Variants in RPS6KA2 observed in about 807,000 individuals in gnomAD.
RPS6KA2 encodes ribosomal protein S6 kinase alpha-2.
A neutral mutation model predicts 91.8 loss-of-function variants in RPS6KA2; 42 were observed. The observed-to-expected ratio is 0.46, with a 90% CI of 0.36 to 0.59. The LOEUF is 0.59. Among genes scored for constraint, RPS6KA2 ranks in the 20% least tolerant of loss-of-function variants. RPS6KA2 has a pLI of 0.00. For missense variants in RPS6KA2, 798 were observed against 978.5 expected, an observed-to-expected ratio of 0.82 and a Z score of 2.46; for synonymous variants, 414 against 393.6, an observed-to-expected ratio of 1.05 and a Z score of -0.61.
At chr6:166,512,379 G>A (rs1782502485) in intron 3 of RPS6KA2, among the ~76,000 whole-genome samples, 1 of 152,138 alleles carries the variant, frequency 6.6e-6, no homozygotes, top group Non-Finnish European at 1.5e-5. Context: ...GTATAACATT[G>A]GTGAGGACAA....
Position 166,824,879 on chromosome 6 carries a change from CTGTATGTA to C in RPS6KA2, c.123+33313_123+33320del, listed in dbSNP as rs544083307. 3.9e-5 allele frequency among the ~76,000 whole-genome samples: 6 copies of C among 151,900 alleles called. No homozygotes were observed. The South Asian group carries it at 1.2e-3, about 32-fold the overall frequency. ...TCTATGTGTGTCTGTGTGTGTATGT[CTGTATGTA>C]TGTCTGTGTGTATGTGTGTCTGAAC... is the stretch of plus-strand genomic sequence containing the variant. On this transcript the variant is annotated intron_variant, in intron 2 of 21. Transcript: ENST00000503859.
intron 2 of RPS6KA2, among the ~76,000 whole-genome samples, chr6:166,660,773 T>G (rs1157319653): frequency 2.0e-5 from 3 of 152,226 alleles, no homozygotes; most frequent in Non-Finnish European, 4.4e-5. Context: ...TCGGGTTTTC[T>G]GACGGCTGCA....
Position 166,434,085 on chromosome 6 carries a change from G to T in RPS6KA2, c.1333-1595C>A, listed in dbSNP as rs1779218949. Among the ~76,000 whole-genome samples, 1 of 152,124 alleles carries T rather than the reference G, an allele frequency of 6.6e-6. No individual in the cohort carries two copies. Among genetic ancestry groups the T allele is most frequent in the Admixed American group, 6.5e-5 (1 of 15,270 alleles). On this transcript the variant is annotated intron_variant, in intron 14 of 20. Coordinates refer to ENST00000265678, the MANE Select transcript of RPS6KA2 (RefSeq NM_021135.6). This position sits in a 1 kb window ranked among gnomAD's most constrained non-coding sequence, Gnocchi z 4.4. ...ATTTCTTTACTTTAGAGAACCAAAC[G>T]CTTGGGTAGCATTTGACTCACTGCT...
intron 3 of RPS6KA2, among the ~76,000 whole-genome samples, chr6:166,520,922 C>A (rs1583234828): frequency 1.3e-5 from 2 of 152,174 alleles, no homozygotes; most frequent in African/African-American, 4.8e-5. Flanking sequence ...CATGTCAGGC[C>A]AGGCACAAGA....
At chr6:166,715,149 G>A (rs990762048) in intron 2 of RPS6KA2, among the ~76,000 whole-genome samples, 8 of 152,242 alleles carry the variant, frequency 5.3e-5, no homozygotes, top group Non-Finnish European at 1.2e-4. Context: ...CCCAGAGACT[G>A]CAGAGCACCC....
chr6:166,462,311 CCTT>C (rs1229317375), intron 11 of RPS6KA2, among the ~76,000 whole-genome samples: 1 of 152,216 alleles, frequency 6.6e-6, no homozygotes, highest in Admixed American at 6.5e-5. Context: ...CAGGCCACAT[CCTT>C]CTCCCTCCTC....
chr6:166,449,342 G>T lies in RPS6KA2; in HGVS notation c.1207-493C>A, dbSNP rs150619724. Among the ~76,000 whole-genome samples, 17 of 152,008 alleles carry T rather than the reference G, an allele frequency of 1.1e-4. No individual in the cohort carries two copies. The East Asian group carries it at 3.3e-3, about 29-fold the overall frequency. On this transcript the variant is annotated intron_variant, in intron 13 of 20. Coordinates refer to ENST00000265678, the MANE Select transcript of RPS6KA2 (RefSeq NM_021135.6). Reference sequence around the variant, plus strand: ...GAAAGCCACCATGGCAGCCTGCACTGTCATGACAACGTCTACTTTACACAC... The same window carrying T: ...GAAAGCCACCATGGCAGCCTGCACTTTCATGACAACGTCTACTTTACACAC...
chr6:166,442,845 T>C (rs1779563836), intron 14 of RPS6KA2, among the ~76,000 whole-genome samples: 1 of 152,184 alleles, frequency 6.6e-6, no homozygotes, highest in Non-Finnish European at 1.5e-5. Context: ...GAGATACTAG[T>C]GACACAAGCT....
intron 12 of RPS6KA2, among the ~76,000 whole-genome samples, chr6:166,457,678 C>G (rs773293512): frequency 2.0e-4 from 30 of 152,158 alleles, no homozygotes; most frequent in Non-Finnish European, 4.0e-4. Flanking sequence ...TGGCCTGGGT[C>G]AGGAGCTGGC....
chr6:166,631,101 T>G (rs1787060605), upstream of RPS6KA2, among the ~76,000 whole-genome samples: 1 of 152,226 alleles, frequency 6.6e-6, no homozygotes, highest in Non-Finnish European at 1.5e-5. Flanking sequence ...CCAAGCCATG[T>G]CAGAATGACA....
At chr6:166,731,466 G>A (rs892844350) in intron 2 of RPS6KA2, among the ~76,000 whole-genome samples, 1 of 151,932 alleles carries the variant, frequency 6.6e-6, no homozygotes, top group South Asian at 2.1e-4. Context: ...TGGTGGGGGC[G>A]GGGCAAGGAA....
intron 2 of RPS6KA2, among the ~76,000 whole-genome samples, chr6:166,637,121 G>C (rs921971668): frequency 6.6e-6 from 1 of 152,212 alleles, no homozygotes; most frequent in Non-Finnish European, 1.5e-5. Context: ...GGGGCCCCTT[G>C]GGGAGTGCTG....
intron 2 of RPS6KA2, among the ~76,000 whole-genome samples, chr6:166,722,380 A>C (rs927736343): frequency 1.1e-4 from 17 of 152,230 alleles, no homozygotes; most frequent in Non-Finnish European, 1.8e-4. Flanking sequence ...TGATGGAAAA[A>C]TGGAGGAGCC....
Position 166,854,338 on chromosome 6 carries a change from A to G in RPS6KA2, c.123+3862T>C, listed in dbSNP as rs114710444. ...AACGTGAGGAATCACATGCCTAGAT[A>G]TCCTATGTGAGCTATCCCAAATGCC... On this transcript the variant is annotated intron_variant, in intron 2 of 21. Coordinates refer to the RPS6KA2 transcript ENST00000503859. Among the ~76,000 whole-genome samples the G allele has an allele frequency of 2.9e-3, 437 of 152,308 alleles. 4 individuals are homozygous for G. Among genetic ancestry groups the G allele is most frequent in the African/African-American group, 9.2e-3 (384 of 41,572 alleles).
At chr6:166,689,232 G>A (rs1314216484) in intron 2 of RPS6KA2, among the ~76,000 whole-genome samples, 1 of 152,222 alleles carries the variant, frequency 6.6e-6, no homozygotes, top group Non-Finnish European at 1.5e-5. Context: ...CTGCAGAGAA[G>A]ACTGGTTTCC....
intron 2 of RPS6KA2, among the ~76,000 whole-genome samples, chr6:166,739,815 A>G (rs1309908283): frequency 6.6e-6 from 1 of 152,210 alleles, no homozygotes; most frequent in Non-Finnish European, 1.5e-5. Flanking sequence ...GGCTCCGTGC[A>G]GCTTCCACTC....
At chr6:166,599,788 GGA>G (rs1229740909) in intron 1 of RPS6KA2, among the ~76,000 whole-genome samples, 1 of 152,114 alleles carries the variant, frequency 6.6e-6, no homozygotes, top group Non-Finnish European at 1.5e-5. Flanking sequence ...TTAAGTGCTG[GGA>G]GAAACGACAC....
chr6:166,518,355 G>A (rs959300403), intron 3 of RPS6KA2, among the ~76,000 whole-genome samples: 13 of 151,012 alleles, frequency 8.6e-5, no homozygotes, highest in African/African-American at 2.9e-4. Flanking sequence ...ATAAACTATG[G>A]AAGAAATAAC....
intron 10 of RPS6KA2, among the ~76,000 whole-genome samples, chr6:166,480,227 G>A (rs1418482374): frequency 6.6e-6 from 1 of 152,006 alleles, no homozygotes; most frequent in Non-Finnish European, 1.5e-5. Flanking sequence ...TGCCAAATGT[G>A]TGCCTCTGTG....
Sources: allele counts gnomAD v4.1 joint callset (sites outside exome capture counted in the v4.1 genomes callset), GRCh38; gene constraint gnomAD v4.1.1; non-coding constraint Gnocchi (gnomAD v3.1); transcripts MANE v1.5; gene names NCBI Gene and HGNC (gene_info 2026-07-23, HGNC 2026-07-21).